GLIPR1L2: variants seen among roughly 807,000 people sequenced by gnomAD.
GLIPR1L2 encodes the protein GLIPR1 like 2.
A neutral mutation model predicts 28.4 loss-of-function variants in GLIPR1L2; 21 were observed. The ratio of observed to expected loss-of-function variants is 0.74; its 90% CI spans 0.52 to 1.06. The LOEUF (loss-of-function observed/expected upper bound fraction) is 1.06. GLIPR1L2 is among the 50% of genes least tolerant of loss of function. The pLI is 0.00. For missense variants in GLIPR1L2, 476 were observed against 416.9 expected (o/e 1.14, Z -1.23); for synonymous variants, 145 against 139.3 (o/e 1.04, Z -0.29).
At chr12:75,406,959 AGGAG>A (rs2045808879) in intron 1 of GLIPR1L2, among the ~76,000 whole-genome samples, 2 of 152,040 alleles carry the variant, frequency 1.3e-5, no homozygotes, top group South Asian at 4.2e-4. Flanking sequence ...GCCCAGTTTA[AGGAG>A]AGTCTCCCAC....
intron 3 of GLIPR1L2, among the ~76,000 whole-genome samples, chr12:75,420,626 G>A (rs2045967651): frequency 6.6e-6 from 1 of 152,198 alleles, no homozygotes; most frequent in South Asian, 2.1e-4. Flanking sequence ...CACTGCCAGG[G>A]CAGCTGTGAA....
At chr12:75,395,249 G>T (rs192998761) in intron 1 of GLIPR1L2, among the ~76,000 whole-genome samples, 136 of 151,700 alleles carry the variant, frequency 9.0e-4, no homozygotes, top group African/African-American at 2.5e-3. Flanking sequence ...TTTATATATC[G>T]AACCATTCCT....
At chr12:75,391,528 A>G in intron 1 of GLIPR1L2, 178 bp downstream of exon 1, 1 of 1,529,758 alleles carries the variant, frequency 6.5e-7, no homozygotes, top group African/African-American at 1.4e-5. Flanking sequence ...ACACTCTAAC[A>G]CATGCTTATT....
rs78866425 is a variant in GLIPR1L2, at chr12:75,405,155, G to A, written c.235-5279G>A. ...AACACTTTGTATGAAAAGTTTACAA[G>A]GAATGTAGGATATGTTTTTGTCAAG... On this transcript the variant is annotated intron_variant, in intron 1 of 5. Coordinates refer to ENST00000550916, the MANE Select transcript of GLIPR1L2 (RefSeq NM_001270396.2). Among the ~76,000 whole-genome samples, 762 of 152,232 alleles carry A rather than the reference G, an allele frequency of 5.0e-3. 7 individuals are homozygous for A. Among genetic ancestry groups the A allele is most frequent in the South Asian group, 0.014 (67 of 4,824 alleles).
At chr12:75,398,748 G>A (rs1003206699) in intron 1 of GLIPR1L2, among the ~76,000 whole-genome samples, 1 of 152,084 alleles carries the variant, frequency 6.6e-6, no homozygotes, top group African/African-American at 2.4e-5. Flanking sequence ...AGAAAGAACA[G>A]TGCAGTCAAT....
chr12:75,401,508 T>C (rs900694685), intron 1 of GLIPR1L2, among the ~76,000 whole-genome samples: 2 of 151,976 alleles, frequency 1.3e-5, no homozygotes, highest in Non-Finnish European at 2.9e-5. Context: ...AATTGTGGGA[T>C]GTTTTCTATA....
chr12:75,392,563 CT>C (rs1279596377), intron 1 of GLIPR1L2, among the ~76,000 whole-genome samples: 1 of 151,972 alleles, frequency 6.6e-6, no homozygotes, highest in Non-Finnish European at 1.5e-5. Context: ...AATTCTTTTT[CT>C]TTTGAATTCA....
At chr12:75,424,140 C>T (rs1280207637) in intron 4 of GLIPR1L2, 6 of 152,204 alleles carry the variant, frequency 3.9e-5, no homozygotes, top group Non-Finnish European at 8.8e-5. Flanking sequence ...GAGGAATCCC[C>T]ACACTGTCTT....
intron 1 of GLIPR1L2, 140 bp from the exon 2 acceptor site, chr12:75,410,294 C>A (rs2045851771): frequency 2.8e-6 from 2 of 720,826 alleles, no homozygotes; most frequent in Non-Finnish European, 4.3e-6. Context: ...AAGTTTTTCC[C>A]AGCAGAAATT....
chr12:75,399,344 G>T (rs191311012), intron 1 of GLIPR1L2, among the ~76,000 whole-genome samples: 2 of 152,236 alleles, frequency 1.3e-5, no homozygotes, highest in Admixed American at 1.3e-4. Context: ...ATAAATTGGT[G>T]TTGATCAATC....
chr12:75,407,081 C>A lies in GLIPR1L2; in HGVS notation c.235-3353C>A, dbSNP rs2045810701. 7.9e-5 allele frequency among the ~76,000 whole-genome samples: 12 copies of A among 152,218 alleles called. No individual in the cohort carries two copies. In the South Asian group the frequency reaches 2.5e-3, roughly 32 times the overall value. On this transcript the variant is annotated intron_variant, in intron 1 of 5. Transcript: ENST00000550916. ...ACACTGGCCTGTCTTCAGCAAGAATCCTGTTAGATCAATGTAGCAAGAACC... is the reference window on the plus strand; with the variant it reads ...ACACTGGCCTGTCTTCAGCAAGAATACTGTTAGATCAATGTAGCAAGAACC...
At chr12:75,410,022 C>T (rs1294092977) in intron 1 of GLIPR1L2, among the ~76,000 whole-genome samples, 2 of 151,240 alleles carry the variant, frequency 1.3e-5, no homozygotes, top group African/African-American at 4.8e-5. Context: ...TTATTCTTGA[C>T]AATATGATAT....
At chr12:75,411,057 A>G (rs540567746) in intron 2 of GLIPR1L2, among the ~76,000 whole-genome samples, 1 of 151,956 alleles carries the variant, frequency 6.6e-6, no homozygotes, top group South Asian at 2.1e-4. Context: ...TGTATAGCTG[A>G]TTGTTTAAAA....
Position 75,430,899 on chromosome 12 carries a change from T to A in GLIPR1L2, c.773T>A (p.Leu258Ter). The change falls in exon 6 of 6, where the codon TTA becomes TAA. Residue 258 changes from leucine (L) to a stop codon, truncating the protein, a stop_gained. Transcript: ENST00000550916. LOFTEE classifies it low-confidence loss of function (END_TRUNC). ...GATCCACTGTGCACATTCATTTTAT[T>A]ATTGAGAATATTATGTTTTATCCTG... ...VCDPLCTFIL[L>*]LRILCFILCV... 6.5e-7 allele frequency: 1 copy of A among 1,536,006 alleles called. No homozygotes were observed. Among genetic ancestry groups the A allele is most frequent in the Non-Finnish European group, 8.7e-7 (1 of 1,146,764 alleles).
chr12:75,416,944 G>T (rs573510125), intron 3 of GLIPR1L2, among the ~76,000 whole-genome samples: 1 of 152,126 alleles, frequency 6.6e-6, no homozygotes, highest in South Asian at 2.1e-4. Context: ...ATAGTTGGTA[G>T]AAAAATCAAT....
chr12:75,414,036 T>G (rs975845501), intron 3 of GLIPR1L2, among the ~76,000 whole-genome samples: 33 of 152,036 alleles, frequency 2.2e-4, no homozygotes, highest in African/African-American at 7.0e-4. Context: ...GTGTTGAAAT[T>G]TATTTAGTAA....
At position 75,391,172 on chromosome 12, in the gene GLIPR1L2, C is replaced by A. The variant is rs1243788629; in HGVS notation, c.56C>A (p.Ala19Glu). 1.2e-6 allele frequency: 2 copies of A among 1,614,038 alleles called. No individual in the cohort carries two copies. The highest frequency in any genetic ancestry group is 1.7e-6 in the Non-Finnish European group (2 of 1,180,004). ...REWRAQSLPLAVGGVLKLRLC... is the reference protein window; with the variant it reads ...REWRAQSLPLEVGGVLKLRLC... Reference sequence around the variant, plus strand: ...TGGAGGGCCCAGTCCCTACCCCTGGCAGTAGGGGGCGTTTTGAAGCTGCGG... The same window carrying A: ...TGGAGGGCCCAGTCCCTACCCCTGGAAGTAGGGGGCGTTTTGAAGCTGCGG... The change falls in exon 1 of 6, where the codon GCA (alanine) becomes GAA (glutamate). Residue 19 changes from alanine to glutamate, a missense_variant. By Grantham distance (107) the Ala-to-Glu change is moderately radical. Transcript: ENST00000550916.
intron 1 of GLIPR1L2, among the ~76,000 whole-genome samples, chr12:75,409,117 A>C (rs938898618): frequency 6.6e-6 from 1 of 151,942 alleles, no homozygotes; most frequent in Non-Finnish European, 1.5e-5. Flanking sequence ...AAAGGTTATG[A>C]ATTCTTCTGC....
intron 3 of GLIPR1L2, among the ~76,000 whole-genome samples, chr12:75,421,930 C>G (rs1304556569): frequency 1.3e-5 from 2 of 151,940 alleles, no homozygotes; most frequent in Admixed American, 6.6e-5. Flanking sequence ...TGTATTTGGG[C>G]CAACCAGGAA....
Sources: allele counts gnomAD v4.1 joint callset (sites outside exome capture counted in the v4.1 genomes callset), GRCh38; gene constraint gnomAD v4.1.1; transcripts MANE v1.5; gene names NCBI Gene and HGNC (gene_info 2026-07-23, HGNC 2026-07-21).